ZNF516: variants seen among roughly 807,000 people sequenced by gnomAD.
The protein encoded by ZNF516 is zinc finger protein 516.
In ZNF516, 19 loss-of-function variants were observed where a neutral mutation model predicts 79.7. The observed-to-expected ratio is 0.24, with a 90% CI of 0.17 to 0.35. The LOEUF is 0.35. Among genes scored for constraint, ZNF516 ranks in the 10% least tolerant of loss-of-function variants. The pLI, the probability that ZNF516 is intolerant of heterozygous loss-of-function variation, is 1.00. For missense variants in ZNF516, 1,678 were observed against 1,679.5 expected, an observed-to-expected ratio of 1.00 and a Z score of 0.02; for synonymous variants, 877 against 739.5, an observed-to-expected ratio of 1.19 and a Z score of -3.02.
intron 3 of ZNF516, among the ~76,000 whole-genome samples, chr18:76,414,497 G>A (rs981040792): frequency 4.6e-5 from 7 of 152,312 alleles, no homozygotes; most frequent in East Asian, 1.9e-4. Flanking sequence ...CACAGTTTTC[G>A]TGTCTCTGGT....
chr18:76,445,019 C>T (rs917594277), intron 2 of ZNF516, among the ~76,000 whole-genome samples: 3 of 152,174 alleles, frequency 2.0e-5, no homozygotes, highest in African/African-American at 7.2e-5. Context: ...TCCAGGAACG[C>T]ACCCAGCAGA....
chr18:76,368,455 C>T (rs1373160847), intron 6 of ZNF516, among the ~76,000 whole-genome samples: 4 of 151,744 alleles, frequency 2.6e-5, no homozygotes, highest in Non-Finnish European at 2.9e-5. Context: ...CAGCAGGAGA[C>T]GCATACAAAT....
intron 1 of ZNF516, among the ~76,000 whole-genome samples, chr18:76,475,012 C>G (rs1914093079): frequency 6.6e-6 from 1 of 152,190 alleles, no homozygotes; most frequent in African/African-American, 2.4e-5. Context: ...AGAGATGAGT[C>G]AAGTCCACAC....
At chr18:76,452,887 C>T (rs1188889013) in intron 2 of ZNF516, among the ~76,000 whole-genome samples, 1 of 152,068 alleles carries the variant, frequency 6.6e-6, no homozygotes, top group Non-Finnish European at 1.5e-5. Flanking sequence ...ACAGTCCTTA[C>T]CATATCCTGG....
Position 76,493,035 on chromosome 18 carries a change from G to T in ZNF516, c.-272+2109C>A. ...CTCCGGGATGGAGAAAGCCGCTGCG[G>T]ATTGGCCAGCAGAGCCGTCACTCAC... On this transcript the variant is annotated intron_variant, in intron 1 of 6. Transcript: ENST00000443185. The surrounding 1 kb of genome is among the most constrained non-coding windows in gnomAD (Gnocchi z 5.2). 1 of 985,234 alleles carries T rather than the reference G, an allele frequency of 1.0e-6. No homozygotes were observed. 61.0% of individuals were successfully genotyped at this position (985,234 alleles called of 1,614,324 possible). A position where few individuals can be genotyped will look rare whatever the true frequency, so the allele number is the denominator to read the frequency against.
chr18:76,370,668 C>T, intron 5 of ZNF516, 73 bp from the exon 6 acceptor site: 1 of 1,290,162 alleles, frequency 7.8e-7, no homozygotes, highest in South Asian at 1.6e-5. Flanking sequence ...GAGTCCATTA[C>T]AGATTAAGTA....
intron 1 of ZNF516, chr18:76,490,863 C>A: frequency 1.0e-6 from 1 of 985,526 alleles, no homozygotes; most frequent in Non-Finnish European, 1.2e-6. Context: ...GGAAGGCCAG[C>A]CCAACGCCCA....
intron 1 of ZNF516, among the ~76,000 whole-genome samples, chr18:76,491,296 G>A (rs867709517): frequency 8.7e-5 from 2 of 22,888 alleles, no homozygotes; most frequent in Non-Finnish European, 1.6e-4. Flanking sequence ...CCCCGGCCCC[G>A]GCCCTCCACA....
intron 1 of ZNF516, among the ~76,000 whole-genome samples, chr18:76,486,039 G>T (rs1001844814): frequency 1.3e-5 from 2 of 152,060 alleles, no homozygotes; most frequent in African/African-American, 2.4e-5. Context: ...GTGACCCCCA[G>T]AAGTCTTAAC....
chr18:76,470,900 C>A (rs1354365955), intron 1 of ZNF516, among the ~76,000 whole-genome samples: 1 of 152,112 alleles, frequency 6.6e-6, no homozygotes. Flanking sequence ...GCCCGTAGTC[C>A]CAGCTACTCG....
At chr18:76,390,651 C>G (rs1230955111) in intron 3 of ZNF516, among the ~76,000 whole-genome samples, 1 of 152,220 alleles carries the variant, frequency 6.6e-6, no homozygotes, top group Non-Finnish European at 1.5e-5. Flanking sequence ...CACAGAGCAA[C>G]CCGGGTCCCG....
chr18:76,392,276 T>G (rs371893305), intron 3 of ZNF516, among the ~76,000 whole-genome samples: 1 of 152,328 alleles, frequency 6.6e-6, no homozygotes, highest in African/African-American at 2.4e-5. Flanking sequence ...TAAATAGATG[T>G]AAGACCACAG....
intron 3 of ZNF516, among the ~76,000 whole-genome samples, chr18:76,395,879 C>T (rs931654353): frequency 3.3e-5 from 5 of 152,146 alleles, no homozygotes; most frequent in Non-Finnish European, 7.3e-5. Flanking sequence ...GACAGGACCC[C>T]GCTCCTCGTC....
chr18:76,378,944 A>C lies in ZNF516; in HGVS notation c.3170T>G (p.Ile1057Ser). 6.2e-7 allele frequency: 1 copy of C among 1,613,790 alleles called. No individual in the cohort carries two copies. Among genetic ancestry groups the C allele is most frequent in the Non-Finnish European group, 8.5e-7 (1 of 1,179,804 alleles). ...AATGTACGTCTTAAAGATGTTGAGGATGTCCAGGCGCTTCTCATGCCCCTC... is the reference window on the plus strand; with the variant it reads ...AATGTACGTCTTAAAGATGTTGAGGCTGTCCAGGCGCTTCTCATGCCCCTC... ...VAEGHEKRLDILNIFKTYIPK... is the reference protein window; with the variant it reads ...VAEGHEKRLDSLNIFKTYIPK... Residue 1057 changes from isoleucine (I) to serine (S), a missense_variant, in exon 4 of 7, where the codon ATC becomes AGC. Coordinates refer to ENST00000443185, the MANE Select transcript of ZNF516 (RefSeq NM_014643.4).
chr18:76,380,670 C>T (rs746539452), intron 3 of ZNF516, among the ~76,000 whole-genome samples: 16 of 152,092 alleles, frequency 1.1e-4, no homozygotes, highest in South Asian at 2.1e-4. Context: ...GTATGACTTT[C>T]GAGGAACTCT....
intron 3 of ZNF516, among the ~76,000 whole-genome samples, chr18:76,407,218 G>C (rs1252236135): frequency 6.6e-6 from 1 of 152,154 alleles, no homozygotes; most frequent in Non-Finnish European, 1.5e-5. Flanking sequence ...TCACTTGAGT[G>C]CAAGAGTTCG....
intron 3 of ZNF516, among the ~76,000 whole-genome samples, chr18:76,409,176 G>C (rs867603585): frequency 2.7e-4 from 19 of 69,810 alleles, no homozygotes; most frequent in Middle Eastern, 0.012. Flanking sequence ...GGGAAATTGA[G>C]ACTTTGCTTA....
chr18:76,442,752 C>A lies in ZNF516; in HGVS notation c.303G>T (p.Pro101=), dbSNP rs1357890878. The change falls in exon 3 of 7, where the codon CCG becomes CCT. Residue 101 remains proline (P), a synonymous_variant. Transcript: ENST00000443185. ...QGHEPEAGEA[P]LGEMRASEGL... ...CCTCGGAGGCGCGCATCTCACCCAGCGGCGCCTCGCCCGCCTCCGGCTCGT... is the reference window on the plus strand; with the variant it reads ...CCTCGGAGGCGCGCATCTCACCCAGAGGCGCCTCGCCCGCCTCCGGCTCGT... 1 of 1,585,298 alleles carries A rather than the reference C, an allele frequency of 6.3e-7. No homozygotes were observed. Among genetic ancestry groups the A allele is most frequent in the South Asian group, 1.1e-5 (1 of 87,974 alleles).
intron 3 of ZNF516, among the ~76,000 whole-genome samples, chr18:76,439,977 A>C (rs769994455): frequency 6.6e-6 from 1 of 152,218 alleles, no homozygotes; most frequent in African/African-American, 2.4e-5. Context: ...GTGTTCATTG[A>C]ATGAGCACAG....
Sources: allele counts gnomAD v4.1 joint callset (sites outside exome capture counted in the v4.1 genomes callset), GRCh38; gene constraint gnomAD v4.1.1; non-coding constraint Gnocchi (gnomAD v3.1); transcripts MANE v1.5; gene names NCBI Gene and HGNC (gene_info 2026-07-23, HGNC 2026-07-21).